Variants in ASIC2 observed in about 807,000 individuals in gnomAD.
ASIC2 encodes acid-sensing ion channel 2.
Under a neutral mutation model 57.3 loss-of-function variants are expected in ASIC2, and 25 were observed. The observed-to-expected ratio is 0.44, with a 90% CI of 0.32 to 0.61. ASIC2 has a LOEUF of 0.61. Ranked by LOEUF, ASIC2 falls within the 20% of genes least tolerant of loss-of-function variation. The pLI is 0.06. For missense variants in ASIC2, 641 were observed against 738.1 expected (o/e 0.87, Z 1.52); for synonymous variants, 319 against 307.5 (o/e 1.04, Z -0.39).
chr17:34,011,962 C>T (rs1037393916), intron 1 of ASIC2, among the ~76,000 whole-genome samples: 3 of 152,306 alleles, frequency 2.0e-5, no homozygotes, highest in African/African-American at 4.8e-5. Flanking sequence ...GTCAGTTGGG[C>T]ATTTTCACTC....
intron 1 of ASIC2, among the ~76,000 whole-genome samples, chr17:33,403,595 T>C (rs1289294702): frequency 6.6e-6 from 1 of 152,240 alleles, no homozygotes; most frequent in East Asian, 1.9e-4. Flanking sequence ...TGGAATTGGC[T>C]ACAAGCCCCT....
At chr17:33,532,719 G>T (rs1174890191) in intron 1 of ASIC2, among the ~76,000 whole-genome samples, 1 of 152,148 alleles carries the variant, frequency 6.6e-6, no homozygotes, top group East Asian at 1.9e-4. Flanking sequence ...ATCTTTTCAC[G>T]AGATGATTGT....
chr17:33,252,553 C>T (rs561944506), intron 1 of ASIC2, among the ~76,000 whole-genome samples: 4 of 151,990 alleles, frequency 2.6e-5, no homozygotes, highest in African/African-American at 4.8e-5. Flanking sequence ...ATTGTTTCCC[C>T]GAGCCATAGG....
At chr17:33,266,184 C>G (rs1909451235) in intron 1 of ASIC2, among the ~76,000 whole-genome samples, 1 of 152,194 alleles carries the variant, frequency 6.6e-6, no homozygotes, top group South Asian at 2.1e-4. Context: ...ACTCAATCAC[C>G]CTTCTGCTAC....
chr17:33,292,992 C>G lies in ASIC2; in HGVS notation c.-877G>C, dbSNP rs1905566680. On this transcript the variant is annotated 5_prime_UTR_variant, in exon 1 of 10. Transcript: ENST00000225823. ...CTCGCCTCGGCTCTCCCAGGTGCCT[C>G]GCGTCTCCAGAAAAGCCCAGCCTTG... The G allele has an allele frequency of 3.0e-6, 3 of 985,422 alleles. No homozygotes were observed. The highest frequency in any genetic ancestry group is 3.5e-5 in the African/African-American group (2 of 57,250). 61.0% of individuals were successfully genotyped at this position (985,422 alleles called of 1,614,324 possible).
At chr17:33,931,800 T>C (rs1429975792) in intron 1 of ASIC2, among the ~76,000 whole-genome samples, 3 of 152,180 alleles carry the variant, frequency 2.0e-5, no homozygotes, top group African/African-American at 7.2e-5. Flanking sequence ...CCAGGCTCCA[T>C]CAGTTTCAGA....
chr17:33,819,187 G>A (rs910502656), intron 1 of ASIC2, among the ~76,000 whole-genome samples: 3 of 152,240 alleles, frequency 2.0e-5, no homozygotes, highest in African/African-American at 7.2e-5. Flanking sequence ...GGCTGGAACA[G>A]TGCAATGGGA....
chr17:33,431,007 A>G (rs1187084437), intron 1 of ASIC2, among the ~76,000 whole-genome samples: 2 of 152,164 alleles, frequency 1.3e-5, no homozygotes, highest in East Asian at 1.9e-4. Context: ...TGGTCTCAGC[A>G]TCTATGTGAG....
chr17:33,810,202 C>T (rs1912380198), intron 1 of ASIC2, among the ~76,000 whole-genome samples: 1 of 152,094 alleles, frequency 6.6e-6, no homozygotes, highest in South Asian at 2.1e-4. Flanking sequence ...AGCTCTTGGC[C>T]ATGGGTCAAA....
intron 1 of ASIC2, among the ~76,000 whole-genome samples, chr17:33,865,298 C>A (rs144955263): frequency 2.0e-5 from 3 of 152,154 alleles, no homozygotes; most frequent in Non-Finnish European, 2.9e-5. Context: ...TTCCATTGGG[C>A]GGATCAACCC....
chr17:33,514,689 C>A (rs929379017), intron 1 of ASIC2, among the ~76,000 whole-genome samples: 8 of 152,178 alleles, frequency 5.3e-5, no homozygotes, highest in African/African-American at 1.2e-4. Context: ...CATTTAAGGA[C>A]TTTTATGACC....
intron 1 of ASIC2, among the ~76,000 whole-genome samples, chr17:33,330,646 A>G (rs1907275486): frequency 6.6e-6 from 1 of 150,982 alleles, no homozygotes; most frequent in Non-Finnish European, 1.5e-5. Flanking sequence ...TCTTTCTAAT[A>G]CTCCTTTTTC....
intron 1 of ASIC2, among the ~76,000 whole-genome samples, chr17:33,340,491 C>T (rs192484206): frequency 6.6e-6 from 1 of 152,124 alleles, no homozygotes; most frequent in Admixed American, 6.5e-5. Flanking sequence ...TCAATAAATG[C>T]TCTTTCCTAT....
At chr17:33,912,584 T>C (rs1915491735) in intron 1 of ASIC2, among the ~76,000 whole-genome samples, 4 of 152,138 alleles carry the variant, frequency 2.6e-5, no homozygotes, top group Admixed American at 2.0e-4. Flanking sequence ...CAGCAGTTCT[T>C]CCCCAGCATC....
At chr17:33,048,244 G>A (rs932092373) in intron 3 of ASIC2, among the ~76,000 whole-genome samples, 3 of 152,212 alleles carry the variant, frequency 2.0e-5, no homozygotes, top group African/African-American at 7.2e-5. Context: ...GAGAAGGTAA[G>A]TGTCTGTTTT....
At chr17:33,196,855 G>A (rs765050674) in intron 1 of ASIC2, among the ~76,000 whole-genome samples, 1 of 152,230 alleles carries the variant, frequency 6.6e-6, no homozygotes, top group Non-Finnish European at 1.5e-5. Context: ...CTGGCAGCAT[G>A]ACACACAGAT....
At chr17:33,509,837 G>A (rs75331102) in intron 1 of ASIC2, among the ~76,000 whole-genome samples, 1 of 152,220 alleles carries the variant, frequency 6.6e-6, no homozygotes, top group African/African-American at 2.4e-5. Flanking sequence ...TAGACTGGGA[G>A]CCAGGAGGCC....
chr17:34,026,117 G>A (rs1016847048), intron 1 of ASIC2, among the ~76,000 whole-genome samples: 21 of 152,146 alleles, frequency 1.4e-4, no homozygotes, highest in African/African-American at 5.1e-4. Flanking sequence ...TTGATGCTAC[G>A]GTTGTGCAAT....
In ASIC2 at chr17:33,668,272, C is replaced by CTTTT. The variant is rs397856474; in HGVS notation, c.555+487702_555+487705dup. Among the ~76,000 whole-genome samples, 46 of 61,416 alleles carry CTTTT rather than the reference C, an allele frequency of 7.5e-4. 6 individuals are homozygous for CTTTT. Among genetic ancestry groups the CTTTT allele is most frequent in the Non-Finnish European group, 1.1e-3 (30 of 26,344 alleles). 40.3% of individuals were successfully genotyped at this position (61,416 alleles called of 152,430 possible). A position where few individuals can be genotyped will look rare whatever the true frequency, so the allele number is the denominator to read the frequency against. ...CTGATTGCTTCTCCAATCAAATGTT[C>CTTTT]TTTTTTTTTTTTTTTTTTTTTTTTT... On this transcript the variant is annotated intron_variant, in intron 1 of 9. Transcript: ENST00000359872.
Sources: gnomAD v4.1 joint callset for allele counts (sites outside exome capture counted in the v4.1 genomes callset) on GRCh38, gnomAD v4.1.1 for gene constraint, MANE v1.5 for transcripts, NCBI Gene and HGNC (gene_info 2026-07-23, HGNC 2026-07-21) for gene names.